Variants in ZNF571 observed in about 807,000 individuals in gnomAD.
ZNF571 encodes zinc finger protein 571.
ZNF571 carries 4 observed loss-of-function variants against 7.7 expected under a neutral mutation model. The observed-to-expected ratio is 0.52, with a 90% CI of 0.25 to 1.18. The LOEUF (loss-of-function observed/expected upper bound fraction) is 1.18. Ranked by LOEUF, ZNF571 falls within the 50% of genes most tolerant of loss-of-function variation. ZNF571 has a pLI of 0.14. For synonymous variants in ZNF571, 251 were observed against 232.4 expected (o/e 1.08, Z -0.73); for missense variants, 704 against 726.9 (o/e 0.97, Z 0.36).
chr19:37,582,560 C>A (rs1451571510), intron 3 of ZNF571, among the ~76,000 whole-genome samples: 1 of 152,166 alleles, frequency 6.6e-6, no homozygotes, highest in African/African-American at 2.4e-5. Context: ...AGAGAGTAAT[C>A]CCATATTTAT....
intron 3 of ZNF571, among the ~76,000 whole-genome samples, chr19:37,579,643 T>C (rs1459224572): frequency 2.6e-5 from 4 of 152,204 alleles, no homozygotes; most frequent in Non-Finnish European, 5.9e-5. Flanking sequence ...CATTTTCTCA[T>C]TACATTTTGC....
At chr19:37,581,912 T>A (rs557802024) in intron 3 of ZNF571, among the ~76,000 whole-genome samples, 2 of 152,102 alleles carry the variant, frequency 1.3e-5, no homozygotes, top group South Asian at 4.1e-4. Flanking sequence ...TTCCTGTCTA[T>A]ACCTTTTGCT....
At position 37,565,821 on chromosome 19, in the gene ZNF571, C is replaced by A; in HGVS notation, c.607G>T (p.Ala203Ser). ...KPYECMECGK[A>S]FGRTSDLIQH... ...ATGAGATCAGAAGTACGACCAAAGG[C>A]CTTTCCACATTCCATACACTCATAA... Residue 203 changes from alanine to serine, a missense_variant, in exon 4 of 4, where the codon GCC becomes TCC. Coordinates refer to ENST00000451802, the MANE Select transcript of ZNF571 (RefSeq NM_016536.5). 6.2e-7 allele frequency: 1 copy of A among 1,613,798 alleles called. No homozygotes were observed. The highest frequency in any genetic ancestry group is 1.7e-5 in the Admixed American group (1 of 59,994).
chr19:37,569,500 CAAACAT>C lies in ZNF571; in HGVS notation c.137-3215_137-3210del, dbSNP rs529449683. On this transcript the variant is annotated intron_variant, in intron 3 of 3. Transcript: ENST00000451802. This position sits in a 1 kb window ranked among gnomAD's most constrained non-coding sequence, Gnocchi z 4.4. ...CATATTATGACTGAGTACACACACT[CAAACAT>C]AAAACAAGGATGTCATAAAATTATC... 7.9e-5 allele frequency among the ~76,000 whole-genome samples: 12 copies of C among 152,158 alleles called. No homozygotes were observed. The highest frequency in any genetic ancestry group is 1.8e-4 in the Non-Finnish European group (12 of 68,034).
At position 37,573,688 on chromosome 19, in the gene ZNF571, C is replaced by T. The variant is rs900219210; in HGVS notation, c.137-7397G>A. On this transcript the variant is annotated intron_variant, in intron 3 of 3. Coordinates refer to ENST00000451802, the MANE Select transcript of ZNF571 (RefSeq NM_016536.5). Reference sequence around the variant, plus strand: ...GTCTACAAAAAAAAAAAAAAAAATCCGCCATGCATGGTGGTGCACAACTGT... The same window carrying T: ...GTCTACAAAAAAAAAAAAAAAAATCTGCCATGCATGGTGGTGCACAACTGT... Among the ~76,000 whole-genome samples, 70 of 150,426 alleles carry T rather than the reference C, an allele frequency of 4.7e-4. 2 individuals are homozygous for T. Among genetic ancestry groups the T allele is most frequent in the Admixed American group, 4.0e-3 (60 of 15,096 alleles).
At position 37,566,042 on chromosome 19, in the gene ZNF571, T is replaced by C. The variant is rs747353504; in HGVS notation, c.386A>G (p.His129Arg). 5.6e-6 allele frequency: 9 copies of C among 1,614,004 alleles called. No homozygotes were observed. The highest frequency in any genetic ancestry group is 7.6e-6 in the Non-Finnish European group (9 of 1,179,972). Residue 129 changes from histidine to arginine, a missense_variant, in exon 4 of 4, where the codon CAT (histidine) becomes CGT (arginine). Physicochemically the swap from His to Arg is conservative, Grantham distance 29. Coordinates refer to ENST00000451802, the MANE Select transcript of ZNF571 (RefSeq NM_016536.5). ...TTTTTCCTTGGTAGGAATTATCCGA[T>C]GAAAAGTAGAAGAGGTTGAATGACT... is the stretch of plus-strand genomic sequence containing the variant. ...TESHSTSSTF[H>R]RIIPTKEKLY...
At chr19:37,566,500 G>A (rs10500277) in intron 3 of ZNF571, 22,828 of 533,500 alleles carry the variant, frequency 0.043, 623 homozygotes, top group Non-Finnish European at 0.052. Flanking sequence ...TAGAAAAATA[G>A]GTTAAGTCAG....
chr19:37,580,059 G>A (rs1421187121), intron 3 of ZNF571, among the ~76,000 whole-genome samples: 3 of 152,114 alleles, frequency 2.0e-5, no homozygotes, highest in East Asian at 1.9e-4. Context: ...TTTACAGCAC[G>A]GATAGACATT....
In ZNF571 at chr19:37,567,366, C is replaced by T. The variant is rs1000136509; in HGVS notation, c.137-1075G>A. Reference sequence around the variant, plus strand: ...CATTCATAAATCTCCTTAGATGCTTCTCATAAAACACAAAGTTTGAGAATA... The same window carrying T: ...CATTCATAAATCTCCTTAGATGCTTTTCATAAAACACAAAGTTTGAGAATA... On this transcript the variant is annotated intron_variant, in intron 3 of 3. Transcript: ENST00000451802. Among the ~76,000 whole-genome samples the T allele has an allele frequency of 2.6e-5, 4 of 152,162 alleles. No individual in the cohort carries two copies. In the East Asian group the frequency reaches 7.7e-4, roughly 29 times the overall value.
chr19:37,590,357 C>G (rs1387919658), intron 1 of ZNF571, among the ~76,000 whole-genome samples: 3 of 151,952 alleles, frequency 2.0e-5, no homozygotes, highest in Non-Finnish European at 2.9e-5. Flanking sequence ...GCGGAGCTTG[C>G]AGTGAGCCAA....
chr19:37,594,663 C>T (rs1352930106), intron 1 of ZNF571, 78 bp downstream of exon 1: 3 of 152,466 alleles, frequency 2.0e-5, no homozygotes, highest in African/African-American at 7.2e-5. Flanking sequence ...CCGGTATTCC[C>T]AGCACCATAC....
intron 3 of ZNF571, among the ~76,000 whole-genome samples, chr19:37,578,838 T>C (rs1255352818): frequency 6.6e-6 from 1 of 152,338 alleles, no homozygotes; most frequent in East Asian, 1.9e-4. Context: ...GCCTAAACTC[T>C]GGTGGCCTGA....
intron 3 of ZNF571, among the ~76,000 whole-genome samples, chr19:37,579,715 G>C (rs1193316826): frequency 6.6e-6 from 1 of 152,142 alleles, no homozygotes; most frequent in African/African-American, 2.4e-5. Context: ...AAAGCCACCA[G>C]CCATATCTAA....
In ZNF571 at chr19:37,569,151, C is replaced by G. The variant is rs1045712311; in HGVS notation, c.137-2860G>C. Among the ~76,000 whole-genome samples, 1 of 152,016 alleles carries G rather than the reference C, an allele frequency of 6.6e-6. No individual in the cohort carries two copies. The highest frequency in any genetic ancestry group is 1.5e-5 in the Non-Finnish European group (1 of 68,014). ...TATTTTTAGTAGAGATAGGCCTTCA[C>G]CATATTGGTCAGGCTGGTCTCAAAT... On this transcript the variant is annotated intron_variant, in intron 3 of 3. Transcript: ENST00000451802. The surrounding 1 kb of genome is among the most constrained non-coding windows in gnomAD (Gnocchi z 4.4).
At chr19:37,583,617 A>T (rs761624566) in intron 3 of ZNF571, 9 of 171,376 alleles carry the variant, frequency 5.3e-5, no homozygotes, top group Non-Finnish European at 8.8e-5. Context: ...TCTTTATGTC[A>T]TGGTTCTCAT....
intron 1 of ZNF571, among the ~76,000 whole-genome samples, chr19:37,593,635 G>A (rs1281410680): frequency 6.6e-6 from 1 of 152,136 alleles, no homozygotes; most frequent in African/African-American, 2.4e-5. Flanking sequence ...CCCGGAAGGC[G>A]GAGCTTGCAG....
At chr19:37,580,839 C>T (rs895923553) in intron 3 of ZNF571, among the ~76,000 whole-genome samples, 4 of 152,320 alleles carry the variant, frequency 2.6e-5, no homozygotes, top group Non-Finnish European at 5.9e-5. Flanking sequence ...TCTTGTACAA[C>T]CTGCAGAACC....
rs58181180 is a variant in ZNF571 at position 37,572,542 on chromosome 19, T to C, written c.137-6251A>G. 5.9e-3 allele frequency among the ~76,000 whole-genome samples: 903 copies of C among 152,254 alleles called. 10 individuals carry two copies. The highest frequency in any genetic ancestry group is 0.021 in the African/African-American group (853 of 41,532). ...TATCAGATTCAAAAAACACATAATA[T>C]ATATGGCTCAGTACTAGCTCTGGTT... On this transcript the variant is annotated intron_variant, in intron 3 of 3. Coordinates refer to ENST00000451802, the MANE Select transcript of ZNF571 (RefSeq NM_016536.5).
rs59178044 is a variant in ZNF571 at position 37,584,778 on chromosome 19, C to T, written c.10-681G>A. On this transcript the variant is annotated intron_variant, in intron 2 of 3. Transcript: ENST00000451802. ...GAGATCGAGACCATCCTGGCTAACA[C>T]GGTGAAACCCCGTCTCTACTAAAAA... Among the ~76,000 whole-genome samples the T allele has an allele frequency of 5.9e-3, 901 of 151,894 alleles. 10 individuals carry two copies. The highest frequency in any genetic ancestry group is 0.02 in the African/African-American group (849 of 41,440).
Sources: allele counts gnomAD v4.1 joint callset (sites outside exome capture counted in the v4.1 genomes callset), GRCh38; gene constraint gnomAD v4.1.1; non-coding constraint Gnocchi (gnomAD v3.1); transcripts MANE v1.5; gene names NCBI Gene and HGNC (gene_info 2026-07-23, HGNC 2026-07-21).